POC1B: variants seen among roughly 807,000 people sequenced by gnomAD.
POC1B encodes the protein POC1 centriolar protein B, also known as POC1 centriolar protein homolog B.
POC1B carries 44 observed loss-of-function variants against 60.6 expected under a neutral mutation model. The ratio of observed to expected loss-of-function variants is 0.73; its 90% CI spans 0.57 to 0.93. The LOEUF (loss-of-function observed/expected upper bound fraction) is 0.93. Ranked by LOEUF, POC1B falls within the 40% of genes least tolerant of loss-of-function variation. POC1B has a pLI of 0.00. For synonymous variants in POC1B, 180 were observed against 198.9 expected, an observed-to-expected ratio of 0.90 and a Z score of 0.80; for missense variants, 555 against 572.3, an observed-to-expected ratio of 0.97 and a Z score of 0.31.
downstream of POC1B, among the ~76,000 whole-genome samples, chr12:89,415,427 A>T (rs975478415): frequency 2.6e-5 from 4 of 152,284 alleles, no homozygotes; most frequent in Admixed American, 6.5e-5. Flanking sequence ...GTGGATCACG[A>T]GGTCAAGAGA....
intron 9 of POC1B, among the ~76,000 whole-genome samples, chr12:89,465,410 T>C (rs1261028963): frequency 1.3e-5 from 2 of 152,036 alleles, no homozygotes; most frequent in Non-Finnish European, 2.9e-5. Flanking sequence ...CCCTGGAAAG[T>C]GGCCAAATGG....
intron 2 of POC1B, chr12:89,500,352 C>T (rs1204079150): frequency 1.5e-5 from 23 of 1,502,358 alleles, no homozygotes; most frequent in Middle Eastern, 3.4e-4. Flanking sequence ...AAGTCAGTTC[C>T]ACTTTCTTCA....
rs773544112 is a variant in POC1B at position 89,420,559 on chromosome 12, T to C, written c.*594A>G. The C allele has an allele frequency of 6.6e-6, 1 of 152,266 alleles. No homozygotes were observed. The highest frequency in any genetic ancestry group is 1.5e-5 in the Non-Finnish European group (1 of 68,062). 9.4% of individuals were successfully genotyped at this position (152,266 alleles called of 1,614,324 possible). The stretch of plus-strand genomic sequence containing the variant: ...AACTAAAAAACCCACTGCCCTATGC[T>C]ATATCTGTGCTATTGTTAATTAAAA... On this transcript the variant is annotated 3_prime_UTR_variant, in exon 12 of 12. Coordinates refer to ENST00000313546, the MANE Select transcript of POC1B (RefSeq NM_172240.3).
intron 10 of POC1B, among the ~76,000 whole-genome samples, chr12:89,450,663 C>A (rs935947144): frequency 5.3e-5 from 8 of 152,102 alleles, no homozygotes; most frequent in African/African-American, 1.9e-4. Flanking sequence ...ATGAAATAAA[C>A]TTGATAACAT....
intron 2 of POC1B, among the ~76,000 whole-genome samples, chr12:89,509,566 C>T (rs1451592876): frequency 2.0e-5 from 3 of 152,102 alleles, no homozygotes; most frequent in African/African-American, 7.2e-5. Context: ...GAAATCTCAA[C>T]GGGCAGAACT....
At chr12:89,466,981 T>TG in intron 8 of POC1B, 59 bp from the exon 9 acceptor site, 1 of 1,471,614 alleles carries the variant, frequency 6.8e-7, no homozygotes, top group Non-Finnish European at 9.2e-7. Flanking sequence ...GCAATAGAGC[T>TG]GATTTTAAAA....
chr12:89,406,958 C>T, the POC1B span, among the ~76,000 whole-genome samples: 1 of 23,680 alleles, frequency 4.2e-5, no homozygotes, highest in Non-Finnish European at 7.5e-5. Context: ...CCAGCCTGGC[C>T]AACATGCCGA....
At chr12:89,452,167 G>A (rs148203081) in intron 10 of POC1B, among the ~76,000 whole-genome samples, 1 of 152,088 alleles carries the variant, frequency 6.6e-6, no homozygotes, top group African/African-American at 2.4e-5. Flanking sequence ...AGCATGCCTC[G>A]GTCTCAGCTG....
At chr12:89,476,071 G>A (rs528083318) in intron 4 of POC1B, among the ~76,000 whole-genome samples, 4 of 151,768 alleles carry the variant, frequency 2.6e-5, no homozygotes, top group African/African-American at 4.8e-5. Context: ...CTTGCACGGC[G>A]AAGTTTTGTA....
intron 4 of POC1B, among the ~76,000 whole-genome samples, chr12:89,482,728 A>G (rs527259907): frequency 3.3e-5 from 5 of 152,164 alleles, no homozygotes; most frequent in Non-Finnish European, 5.9e-5. Context: ...ACAGAAATTT[A>G]TTTCTCACAG....
chr12:89,480,653 G>A lies in POC1B; in HGVS notation c.453-8378C>T, dbSNP rs553829991. ...GTCTCACTGTCGCCCAGGCTGGAGTGCAGTGGCAAGATCTCGGCTCACTGC... is the reference window on the plus strand; with the variant it reads ...GTCTCACTGTCGCCCAGGCTGGAGTACAGTGGCAAGATCTCGGCTCACTGC... On this transcript the variant is annotated intron_variant, in intron 4 of 11. Coordinates refer to ENST00000313546, the MANE Select transcript of POC1B (RefSeq NM_172240.3). Among the ~76,000 whole-genome samples, 12 of 137,702 alleles carry A rather than the reference G, an allele frequency of 8.7e-5. No individual in the cohort carries two copies. The East Asian group carries it at 1.9e-3, about 22-fold the overall frequency. 90.3% of individuals were successfully genotyped at this position (137,702 alleles called of 152,430 possible).
intron 2 of POC1B, chr12:89,501,149 A>G (rs1869545809): frequency 7.1e-7 from 1 of 1,401,300 alleles, no homozygotes; most frequent in Admixed American, 1.7e-5. Flanking sequence ...TCAAGAGAAA[A>G]GCATCATAAT....
chr12:89,487,356 T>A (rs1310851115), intron 4 of POC1B, among the ~76,000 whole-genome samples: 1 of 152,128 alleles, frequency 6.6e-6, no homozygotes, highest in Non-Finnish European at 1.5e-5. Context: ...AAGTGCAGAG[T>A]TCCACCATCG....
chr12:89,502,572 C>G, intron 2 of POC1B: 1 of 1,199,228 alleles, frequency 8.3e-7, no homozygotes, highest in Non-Finnish European at 1.2e-6. Flanking sequence ...CTTGGAGATC[C>G]TTTGCAGCCA....
At chr12:89,459,842 T>G in intron 9 of POC1B, 124 bp from the exon 10 acceptor site, 1 of 550,774 alleles carries the variant, frequency 1.8e-6, no homozygotes, top group Non-Finnish European at 3.1e-6. Context: ...GTATATTCAT[T>G]ACTATGGATA....
intron 2 of POC1B, among the ~76,000 whole-genome samples, chr12:89,513,749 C>G (rs994835157): frequency 1.3e-5 from 2 of 152,118 alleles, no homozygotes; most frequent in Non-Finnish European, 2.9e-5. Context: ...GAGCGGCAGG[C>G]AAGCAAACCT....
intron 2 of POC1B, chr12:89,502,431 A>G: frequency 2.2e-6 from 3 of 1,342,000 alleles, no homozygotes; most frequent in Non-Finnish European, 3.2e-6. Context: ...TACTATCTCC[A>G]GGCAAAATAT....
At chr12:89,494,567 T>C (rs898355737) in intron 3 of POC1B, among the ~76,000 whole-genome samples, 4 of 152,204 alleles carry the variant, frequency 2.6e-5, no homozygotes, top group African/African-American at 4.8e-5. Context: ...TGTACACGCA[T>C]GTCTCTCTGC....
At chr12:89,469,269 GAAATAATAAATTTAAAAAA>G (rs969194469) in intron 7 of POC1B, among the ~76,000 whole-genome samples, 1 of 152,110 alleles carries the variant, frequency 6.6e-6, no homozygotes, top group African/African-American at 2.4e-5. Flanking sequence ...CAAAAATAAA[GAAATAATAAATTTAAAAAA>G]TTGATCTATA....
Sources: gnomAD v4.1 joint callset for allele counts (sites outside exome capture counted in the v4.1 genomes callset) on GRCh38, gnomAD v4.1.1 for gene constraint, MANE v1.5 for transcripts, NCBI Gene and HGNC (gene_info 2026-07-23, HGNC 2026-07-21) for gene names.